Variants in NXPH3 observed in about 807,000 individuals in gnomAD.
The protein encoded by NXPH3 is neurexophilin-3.
In NXPH3, 7 loss-of-function variants were observed where a neutral mutation model predicts 18.8. The ratio of observed to expected loss-of-function variants is 0.37; its 90% CI spans 0.21 to 0.70. NXPH3 has a LOEUF of 0.70. Ranked by LOEUF, NXPH3 falls within the 30% of genes least tolerant of loss-of-function variation. The probability of loss-of-function intolerance (pLI) is 0.53; values close to 1 mark genes in which losing one functional copy is unlikely to be tolerated. For missense variants in NXPH3, 282 were observed against 338.1 expected, an observed-to-expected ratio of 0.83 and a Z score of 1.30; for synonymous variants, 101 against 137.3, an observed-to-expected ratio of 0.74 and a Z score of 1.85.
Position 49,578,908 on chromosome 17 carries a change from G to C in NXPH3, c.367G>C (p.Val123Leu), listed in dbSNP as rs754277448. Residue 123 changes from valine (V) to leucine (L), a missense_variant, in exon 2 of 2, where the codon GTG (valine) becomes CTG (leucine). Val to Leu is a conservative substitution (Grantham distance 32, BLOSUM62 1). Transcript: ENST00000328741. This position sits in a 1 kb window ranked among gnomAD's most constrained non-coding sequence, Gnocchi z 4.5. ...GAACCTGCTCGTCACAGGGAAGATT[G>C]TGGACCATGGCAATGGGACCTTCAG... ...ALNLLVTGKIVDHGNGTFSVH... is the reference protein window; with the variant it reads ...ALNLLVTGKILDHGNGTFSVH... The C allele has an allele frequency of 2.5e-6, 4 of 1,614,166 alleles. No homozygotes were observed. Among genetic ancestry groups the C allele is most frequent in the Non-Finnish European group, 3.4e-6 (4 of 1,180,036 alleles).
At position 49,582,837 on chromosome 17, in the gene NXPH3, G is replaced by A. The variant is rs1567760619; in HGVS notation, c.*3537G>A. On this transcript the variant is annotated 3_prime_UTR_variant, in exon 2 of 2. Coordinates refer to ENST00000328741, the MANE Select transcript of NXPH3 (RefSeq NM_007225.4). The stretch of plus-strand genomic sequence containing the variant: ...CTAGCACTCTGTGAAGCTAATAAGG[G>A]GGATTACCCGTTAGGTCAACTGGTA... The A allele has an allele frequency of 1.3e-5, 2 of 152,308 alleles. No individual in the cohort carries two copies. The highest frequency in any genetic ancestry group is 3.9e-4 in the East Asian group (2 of 5,188). 9.4% of individuals were successfully genotyped at this position (152,308 alleles called of 1,614,324 possible). A position where few individuals can be genotyped will look rare whatever the true frequency, so the allele number is the denominator to read the frequency against.
chr17:49,578,929 T>C lies in NXPH3; in HGVS notation c.388T>C (p.Phe130Leu). The change falls in exon 2 of 2, where the codon TTC becomes CTC. Residue 130 changes from phenylalanine to leucine, a missense_variant. Physicochemically the swap from Phe to Leu is conservative, Grantham distance 22. Coordinates refer to ENST00000328741, the MANE Select transcript of NXPH3 (RefSeq NM_007225.4). The surrounding 1 kb of genome is among the most constrained non-coding windows in gnomAD (Gnocchi z 4.5). ...GKIVDHGNGT[F>L]SVHFQHNATG... ...GATTGTGGACCATGGCAATGGGACCTTCAGCGTCCACTTCCAACACAATGC... is the reference window on the plus strand; with the variant it reads ...GATTGTGGACCATGGCAATGGGACCCTCAGCGTCCACTTCCAACACAATGC... 3 of 1,614,178 alleles carry C rather than the reference T, an allele frequency of 1.9e-6. No individual in the cohort carries two copies. Among genetic ancestry groups the C allele is most frequent in the South Asian group, 2.2e-5 (2 of 91,090 alleles).
Position 49,578,724 on chromosome 17 carries a change from C to T in NXPH3, c.183C>T (p.Ala61=), listed in dbSNP as rs778437274. 2.0e-5 allele frequency: 32 copies of T among 1,613,334 alleles called. 1 individual carries two copies. The African/African-American group carries it at 3.7e-4, about 19-fold the overall frequency. The part of the protein sequence containing the change: ...GHISPKSRPM[A]NSTLLGLLAP... ...TCTCACCTAAGTCCCGCCCCATGGC[C>T]AATTCCACTCTCCTAGGGCTGCTGG... The change falls in exon 2 of 2, where the codon GCC becomes GCT. Residue 61 remains alanine, a synonymous_variant. Transcript: ENST00000328741. This position sits in a 1 kb window ranked among gnomAD's most constrained non-coding sequence, Gnocchi z 4.5.
rs546367220 is a variant in NXPH3, at chr17:49,581,574, T to C, written c.*2274T>C. ...ACATCATGCTTCCAGGGGCCGTCTCTCCTGAGTGGAGATGTGAGACACACA... is the reference window on the plus strand; with the variant it reads ...ACATCATGCTTCCAGGGGCCGTCTCCCCTGAGTGGAGATGTGAGACACACA... On this transcript the variant is annotated 3_prime_UTR_variant, in exon 2 of 2. Coordinates refer to ENST00000328741, the MANE Select transcript of NXPH3 (RefSeq NM_007225.4). The C allele has an allele frequency of 2.6e-5, 18 of 695,520 alleles. No homozygotes were observed. Among genetic ancestry groups the C allele is most frequent in the Admixed American group, 2.0e-4 (10 of 49,460 alleles). The allele number at this position is 695,520 out of a possible 1,614,324, so 43.1% of individuals were successfully genotyped here.
chr17:49,576,364 C>G (rs1956909740), intron 1 of NXPH3, 91 bp downstream of exon 1: 1 of 1,413,680 alleles, frequency 7.1e-7, no homozygotes. Flanking sequence ...AAACTTTCTC[C>G]CTTCCCCCGA....
chr17:49,578,789 C>G lies in NXPH3; in HGVS notation c.248C>G (p.Pro83Arg), dbSNP rs1238953352. 3.1e-6 allele frequency: 5 copies of G among 1,613,756 alleles called. No homozygotes were observed. The highest frequency in any genetic ancestry group is 2.7e-5 in the African/African-American group (2 of 74,924). ...GCTTGGGGCATTCTTGGGCAGCCCC[C>G]CAACCGCCCGAACCACAGCCCCCCA... ...GEAWGILGQP[P>R]NRPNHSPPPS... is the part of the protein sequence containing the mutation. The change falls in exon 2 of 2, where the codon CCC (proline) becomes CGC (arginine). Residue 83 changes from proline to arginine, a missense_variant. Transcript: ENST00000328741. The surrounding 1 kb of genome is among the most constrained non-coding windows in gnomAD (Gnocchi z 4.5).
In NXPH3 at chr17:49,576,284, C is replaced by G; in HGVS notation, c.54+11C>G. Reference sequence around the variant, plus strand: ...GGTAGCCTCTATCTGGTGAGTGGTCCGAGGGGAGCTGCGCAGAGGGGCGGG... The same window carrying G: ...GGTAGCCTCTATCTGGTGAGTGGTCGGAGGGGAGCTGCGCAGAGGGGCGGG... On this transcript the variant is annotated intron_variant, in intron 1 of 1. Transcript: ENST00000328741. The G allele has an allele frequency of 6.4e-7, 1 of 1,563,034 alleles. No homozygotes were observed. The highest frequency in any genetic ancestry group is 8.7e-7 in the Non-Finnish European group (1 of 1,154,362).
In NXPH3 at chr17:49,579,215, T is replaced by A. The variant is rs2071587480; in HGVS notation, c.674T>A (p.Phe225Tyr). Residue 225 changes from phenylalanine to tyrosine, a missense_variant, in exon 2 of 2, where the codon TTC (phenylalanine) becomes TAC (tyrosine). Phe to Tyr is a conservative substitution (Grantham distance 22). Transcript: ENST00000328741. The surrounding 1 kb of genome is among the most constrained non-coding windows in gnomAD (Gnocchi z 6.0). ...AAAGTCGTCTGTGTCTACATCGCCT[T>A]CTACAGCACGGACTATCGGCTGGTC... ...PFKVVCVYIA[F>Y]YSTDYRLVQK... The A allele has an allele frequency of 6.2e-7, 1 of 1,608,436 alleles. No individual in the cohort carries two copies. Among genetic ancestry groups the A allele is most frequent in the East Asian group, 2.2e-5 (1 of 44,882 alleles).
chr17:49,581,378 G>T lies in NXPH3; in HGVS notation c.*2078G>T, dbSNP rs1247824636. ...GCCCTTTGGGCCCTCTTGAGGAGAG[G>T]AGAGTCCTGGCAGTAAGGTAAGATG... is the stretch of plus-strand genomic sequence containing the variant. On this transcript the variant is annotated 3_prime_UTR_variant, in exon 2 of 2. Transcript: ENST00000328741. The T allele has an allele frequency of 1.7e-6, 1 of 587,402 alleles. No homozygotes were observed. The highest frequency in any genetic ancestry group is 3.0e-6 in the Non-Finnish European group (1 of 331,516). 36.4% of individuals were successfully genotyped at this position (587,402 alleles called of 1,614,324 possible).
chr17:49,578,807 G>T lies in NXPH3; in HGVS notation c.266G>T (p.Ser89Ile), dbSNP rs756532264. The change falls in exon 2 of 2, where the codon AGC (serine) becomes ATC (isoleucine). Residue 89 changes from serine (S) to isoleucine (I), a missense_variant. Coordinates refer to ENST00000328741, the MANE Select transcript of NXPH3 (RefSeq NM_007225.4). The surrounding 1 kb of genome is among the most constrained non-coding windows in gnomAD (Gnocchi z 4.5). ...LGQPPNRPNH[S>I]PPPSAKVKKI... ...CAGCCCCCCAACCGCCCGAACCACA[G>T]CCCCCCACCCTCAGCCAAGGTGAAG... 6.2e-7 allele frequency: 1 copy of T among 1,613,958 alleles called. No individual in the cohort carries two copies. Among genetic ancestry groups the T allele is most frequent in the Non-Finnish European group, 8.5e-7 (1 of 1,179,944 alleles).
At position 49,578,763 on chromosome 17, in the gene NXPH3, G is replaced by A; in HGVS notation, c.222G>A (p.Glu74=). 6.2e-7 allele frequency: 1 copy of A among 1,613,708 alleles called. No individual in the cohort carries two copies. The part of the protein sequence containing the change: ...TLLGLLAPPG[E]AWGILGQPPN... Reference sequence around the variant, plus strand: ...TAGGGCTGCTGGCCCCGCCTGGGGAGGCTTGGGGCATTCTTGGGCAGCCCC... The same window carrying A: ...TAGGGCTGCTGGCCCCGCCTGGGGAAGCTTGGGGCATTCTTGGGCAGCCCC... Residue 74 remains glutamate (E), a synonymous_variant, in exon 2 of 2, where the codon GAG becomes GAA. Coordinates refer to ENST00000328741, the MANE Select transcript of NXPH3 (RefSeq NM_007225.4). This position sits in a 1 kb window ranked among gnomAD's most constrained non-coding sequence, Gnocchi z 4.5.
chr17:49,576,196 A>C lies in NXPH3; in HGVS notation c.-24A>C. The C allele has an allele frequency of 6.4e-7, 1 of 1,559,990 alleles. No homozygotes were observed. The highest frequency in any genetic ancestry group is 8.7e-7 in the Non-Finnish European group (1 of 1,152,090). On this transcript the variant is annotated 5_prime_UTR_variant, in exon 1 of 2. Transcript: ENST00000328741. ...ACCCCGAAAAGAGAAGGGGAGAGCG[A>C]GGGGACGAGAGCGGAGGAGGAAGAT...
chr17:49,580,624 G>C lies in NXPH3; in HGVS notation c.*1324G>C. 6.6e-6 allele frequency: 1 copy of C among 152,354 alleles called. No homozygotes were observed. The highest frequency in any genetic ancestry group is 1.5e-5 in the Non-Finnish European group (1 of 68,116). 9.4% of individuals were successfully genotyped at this position (152,354 alleles called of 1,614,324 possible). ...TTCAAGAACAGCTCAGGGAGGGAGAGCTAGCAGGTAGAATGGGCCAATGAG... is the reference window on the plus strand; with the variant it reads ...TTCAAGAACAGCTCAGGGAGGGAGACCTAGCAGGTAGAATGGGCCAATGAG... On this transcript the variant is annotated 3_prime_UTR_variant, in exon 2 of 2. Coordinates refer to ENST00000328741, the MANE Select transcript of NXPH3 (RefSeq NM_007225.4).
Position 49,580,424 on chromosome 17 carries a change from T to C in NXPH3, c.*1124T>C, listed in dbSNP as rs983241225. The C allele has an allele frequency of 6.6e-6, 1 of 152,398 alleles. No homozygotes were observed. Among genetic ancestry groups the C allele is most frequent in the East Asian group, 1.9e-4 (1 of 5,182 alleles). The allele number at this position is 152,398 out of a possible 1,614,324, so 9.4% of individuals were successfully genotyped here. A position where few individuals can be genotyped will look rare whatever the true frequency, so the allele number is the denominator to read the frequency against. ...CTTGGTCCAGGAAGAATTTCTCTGA[T>C]GGCCGCAGGACATTTGCTTGAGACC... On this transcript the variant is annotated 3_prime_UTR_variant, in exon 2 of 2. Coordinates refer to ENST00000328741, the MANE Select transcript of NXPH3 (RefSeq NM_007225.4).
rs768980338 is a variant in NXPH3, at chr17:49,576,289, G to T, written c.54+16G>T. The T allele has an allele frequency of 1.3e-6, 2 of 1,562,542 alleles. No individual in the cohort carries two copies. Among genetic ancestry groups the T allele is most frequent in the African/African-American group, 2.7e-5 (2 of 73,530 alleles). On this transcript the variant is annotated intron_variant, in intron 1 of 1. Coordinates refer to ENST00000328741, the MANE Select transcript of NXPH3 (RefSeq NM_007225.4). ...CCTCTATCTGGTGAGTGGTCCGAGGGGAGCTGCGCAGAGGGGCGGGGGCCC... is the reference window on the plus strand; with the variant it reads ...CCTCTATCTGGTGAGTGGTCCGAGGTGAGCTGCGCAGAGGGGCGGGGGCCC...
rs1398742582 is a variant in NXPH3 at position 49,576,174 on chromosome 17, CCGAAAAGAGAA to C, written c.-45_-35del. Reference sequence around the variant, plus strand: ...AGGAAGGGGAAGGAGGCCTGGGACCCCGAAAAGAGAAGGGGAGAGCGAGGGGACGAGAGCGG... The same window carrying C: ...AGGAAGGGGAAGGAGGCCTGGGACCCGGGGAGAGCGAGGGGACGAGAGCGG... On this transcript the variant is annotated 5_prime_UTR_variant, in exon 1 of 2. Coordinates refer to ENST00000328741, the MANE Select transcript of NXPH3 (RefSeq NM_007225.4). The C allele has an allele frequency of 1.3e-6, 2 of 1,553,264 alleles. No homozygotes were observed. Among genetic ancestry groups the C allele is most frequent in the Non-Finnish European group, 1.7e-6 (2 of 1,148,140 alleles).
At position 49,581,106 on chromosome 17, in the gene NXPH3, A is replaced by G. The variant is rs898937106; in HGVS notation, c.*1806A>G. On this transcript the variant is annotated 3_prime_UTR_variant, in exon 2 of 2. Coordinates refer to ENST00000328741, the MANE Select transcript of NXPH3 (RefSeq NM_007225.4). The stretch of plus-strand genomic sequence containing the variant: ...CCTTTCAGAGAATCGGGGCTATTGT[A>G]TTGGATTTTCAATCTGACCACATGC... The G allele has an allele frequency of 6.3e-6, 1 of 158,734 alleles. No homozygotes were observed. Among genetic ancestry groups the G allele is most frequent in the Non-Finnish European group, 1.4e-5 (1 of 72,254 alleles). The allele number at this position is 158,734 out of a possible 1,614,324, so 9.8% of individuals were successfully genotyped here.
In NXPH3 at chr17:49,581,841, G is replaced by A; in HGVS notation, c.*2541G>A. ...CCCCTCCTGCTCCTCTCCTCCTGTG[G>A]AGAGCCAGATGCTGGCGACAGCTGG... is the stretch of plus-strand genomic sequence containing the variant. On this transcript the variant is annotated 3_prime_UTR_variant, in exon 2 of 2. Coordinates refer to ENST00000328741, the MANE Select transcript of NXPH3 (RefSeq NM_007225.4). 1 of 698,454 alleles carries A rather than the reference G, an allele frequency of 1.4e-6. No homozygotes were observed. The highest frequency in any genetic ancestry group is 2.6e-6 in the Non-Finnish European group (1 of 382,894). 43.3% of individuals were successfully genotyped at this position (698,454 alleles called of 1,614,324 possible).
chr17:49,582,119 G>C lies in NXPH3; in HGVS notation c.*2819G>C. 3.9e-6 allele frequency: 2 copies of C among 518,758 alleles called. No homozygotes were observed. The highest frequency in any genetic ancestry group is 6.7e-6 in the Non-Finnish European group (2 of 297,334). The allele number at this position is 518,758 out of a possible 1,614,324, so 32.1% of individuals were successfully genotyped here. On this transcript the variant is annotated 3_prime_UTR_variant, in exon 2 of 2. Transcript: ENST00000328741. ...CGCTTGGTCCTCACAAGGGCAAGGG[G>C]TCCATCCAACTTCCTCTGGCTAAGA... is the stretch of plus-strand genomic sequence containing the variant.
Sources: allele counts gnomAD v4.1 joint callset, GRCh38; gene constraint gnomAD v4.1.1; non-coding constraint Gnocchi (gnomAD v3.1); transcripts MANE v1.5; gene names NCBI Gene and HGNC (gene_info 2026-07-23, HGNC 2026-07-21).